The following ZSWIM6 variants were observed in gnomAD, a reference collection of about 807,000 sequenced individuals.
The protein encoded by ZSWIM6 is zinc finger SWIM-type containing 6, also known as zinc finger SWIM domain-containing protein 6.
Under a neutral mutation model 113.2 loss-of-function variants are expected in ZSWIM6, and 9 were observed. That is an observed-to-expected ratio of 0.08 (90% CI 0.05 to 0.14). ZSWIM6 has a LOEUF of 0.14. Among genes scored for constraint, ZSWIM6 ranks in the 10% least tolerant of loss-of-function variants. The pLI, the probability that ZSWIM6 is intolerant of heterozygous loss-of-function variation, is 1.00. For synonymous variants in ZSWIM6, 611 were observed against 606.5 expected (o/e 1.01, Z -0.11); for missense variants, 1,162 against 1,552.2 (o/e 0.75, Z 4.22).
rs1382965565 is a variant in ZSWIM6, at chr5:61,526,266, C to A, written c.1707C>A (p.Ala569=). The A allele has an allele frequency of 1.9e-6, 3 of 1,551,196 alleles. No individual in the cohort carries two copies. The highest frequency in any genetic ancestry group is 1.7e-6 in the Non-Finnish European group (2 of 1,146,858). ...WPLWHEHVPT[A]CARVDALRSH... ...CTGTTTTAGAACATGTTCCTACAGC[C>A]TGTGCAAGAGTGGACGCATTACGTT... Residue 569 remains alanine, a synonymous_variant, in exon 7 of 14, where the codon GCC becomes GCA. Coordinates refer to ENST00000252744, the MANE Select transcript of ZSWIM6 (RefSeq NM_020928.2).
At chr5:61,381,977 G>A (rs1745497238) in intron 1 of ZSWIM6, among the ~76,000 whole-genome samples, 1 of 152,186 alleles carries the variant, frequency 6.6e-6, no homozygotes, top group South Asian at 2.1e-4. Flanking sequence ...AGGTCCACCT[G>A]CTAAACTTTT....
chr5:61,405,618 G>A (rs1432693365), intron 1 of ZSWIM6, among the ~76,000 whole-genome samples: 2 of 152,172 alleles, frequency 1.3e-5, no homozygotes, highest in Non-Finnish European at 2.9e-5. Context: ...AGGAAAACTT[G>A]AGCAAAGACA....
intron 12 of ZSWIM6, among the ~76,000 whole-genome samples, chr5:61,540,232 TG>T (rs1310594122): frequency 6.6e-6 from 1 of 151,938 alleles, no homozygotes; most frequent in East Asian, 1.9e-4. Flanking sequence ...AAAGGAGGAG[TG>T]ATCGGGCCAG....
intron 1 of ZSWIM6, chr5:61,390,974 T>C (rs1745695725): frequency 4.0e-6 from 3 of 757,714 alleles, no homozygotes; most frequent in Non-Finnish European, 7.3e-6. Context: ...GAGGCATTGT[T>C]CTTGATCAGT....
chr5:61,393,599 G>C (rs924677243), intron 1 of ZSWIM6, among the ~76,000 whole-genome samples: 2 of 152,072 alleles, frequency 1.3e-5, no homozygotes, highest in Admixed American at 6.6e-5. Context: ...TAGGCCGGGC[G>C]TGGTGGCGCA....
chr5:61,544,476 A>G lies in ZSWIM6; in HGVS notation c.*159A>G. The stretch of plus-strand genomic sequence containing the variant: ...TTGCAGACTAAATTGTCATGTTGTG[A>G]AAGTTTGTGTGTTTTTTATTTTTTC... On this transcript the variant is annotated 3_prime_UTR_variant, in exon 14 of 14. Coordinates refer to ENST00000252744, the MANE Select transcript of ZSWIM6 (RefSeq NM_020928.2). 1 of 386,814 alleles carries G rather than the reference A, an allele frequency of 2.6e-6. No individual in the cohort carries two copies. Among genetic ancestry groups the G allele is most frequent in the Non-Finnish European group, 4.5e-6 (1 of 220,244 alleles). The allele number at this position is 386,814 out of a possible 1,614,324, so 24.0% of individuals were successfully genotyped here.
intron 1 of ZSWIM6, among the ~76,000 whole-genome samples, chr5:61,381,123 C>A (rs576607597): frequency 6.6e-6 from 1 of 152,032 alleles, no homozygotes; most frequent in East Asian, 1.9e-4. Context: ...CGTGGTGGCA[C>A]GTGCCTGTAA....
intron 12 of ZSWIM6, 134 bp from the exon 13 acceptor site, chr5:61,541,750 G>T (rs1009745711): frequency 9.3e-5 from 68 of 734,274 alleles, no homozygotes; most frequent in Non-Finnish European, 1.5e-4. Flanking sequence ...GTAGAGCTTT[G>T]CTCTAAATTA....
chr5:61,459,074 T>C (rs1438519962), intron 1 of ZSWIM6, among the ~76,000 whole-genome samples: 1 of 152,154 alleles, frequency 6.6e-6, no homozygotes, highest in Non-Finnish European at 1.5e-5. Context: ...TAGCACTCTT[T>C]CACATTTGAA....
intron 1 of ZSWIM6, among the ~76,000 whole-genome samples, chr5:61,341,615 A>G (rs564683665): frequency 1.3e-5 from 2 of 151,684 alleles, no homozygotes; most frequent in South Asian, 2.1e-4. Flanking sequence ...CCCATATAAT[A>G]AAGAATTTGC....
chr5:61,355,654 C>T (rs1201306749), intron 1 of ZSWIM6, among the ~76,000 whole-genome samples: 2 of 152,088 alleles, frequency 1.3e-5, no homozygotes, highest in African/African-American at 4.8e-5. Context: ...TCAATCTGTT[C>T]AGTAAAGAGA....
chr5:61,442,299 G>A (rs527306569), intron 1 of ZSWIM6, among the ~76,000 whole-genome samples: 44 of 152,228 alleles, frequency 2.9e-4, no homozygotes, highest in African/African-American at 7.5e-4. Context: ...AACTGTAAAC[G>A]TCAGTTCTGT....
At chr5:61,336,324 A>G (rs1365201541) in intron 1 of ZSWIM6, among the ~76,000 whole-genome samples, 2 of 152,224 alleles carry the variant, frequency 1.3e-5, no homozygotes, top group East Asian at 1.9e-4. Flanking sequence ...AGGTGCTGGT[A>G]TATAAGTATT....
At chr5:61,493,912 C>T (rs1328667045) in intron 3 of ZSWIM6, among the ~76,000 whole-genome samples, 1 of 152,128 alleles carries the variant, frequency 6.6e-6, no homozygotes, top group Non-Finnish European at 1.5e-5. Flanking sequence ...ACGATTTACT[C>T]ACCTTAATCA....
At chr5:61,487,812 A>C (rs1318963849) in intron 2 of ZSWIM6, among the ~76,000 whole-genome samples, 1 of 152,054 alleles carries the variant, frequency 6.6e-6, no homozygotes, top group Non-Finnish European at 1.5e-5. Flanking sequence ...GGAAGATTGT[A>C]TCATCCGTGA....
chr5:61,377,573 C>T (rs1017597470), intron 1 of ZSWIM6, among the ~76,000 whole-genome samples: 1 of 151,894 alleles, frequency 6.6e-6, no homozygotes, highest in Non-Finnish European at 1.5e-5. Context: ...AAAAATTAGC[C>T]GGGCGTGGCG....
At chr5:61,390,838 G>A (rs1180814116) in intron 1 of ZSWIM6, 1 of 818,376 alleles carries the variant, frequency 1.2e-6, no homozygotes, top group East Asian at 2.5e-5. Flanking sequence ...AAGGACTTGT[G>A]AAGGGTGAGC....
At chr5:61,462,122 A>G (rs1200362435) in intron 1 of ZSWIM6, among the ~76,000 whole-genome samples, 1 of 152,152 alleles carries the variant, frequency 6.6e-6, no homozygotes, top group Non-Finnish European at 1.5e-5. Flanking sequence ...CTCTGACTTC[A>G]CTTTGCTTGT....
At chr5:61,401,971 T>A (rs1219962284) in intron 1 of ZSWIM6, among the ~76,000 whole-genome samples, 1 of 152,050 alleles carries the variant, frequency 6.6e-6, no homozygotes, top group Non-Finnish European at 1.5e-5. Context: ...TGTGTGCTTA[T>A]GTTAGCAGCA....
Sources: gnomAD v4.1 joint callset for allele counts (sites outside exome capture counted in the v4.1 genomes callset) on GRCh38, gnomAD v4.1.1 for gene constraint, MANE v1.5 for transcripts, NCBI Gene and HGNC (gene_info 2026-07-23, HGNC 2026-07-21) for gene names.